GSDME: variants seen among roughly 807,000 people sequenced by gnomAD.
The protein encoded by GSDME is gasdermin E, also known as gasdermin-E.
GSDME carries 44 observed loss-of-function variants against 47.5 expected under a neutral mutation model. The ratio of observed to expected loss-of-function variants is 0.93; its 90% CI spans 0.73 to 1.19. The LOEUF is 1.19. Among genes scored for constraint, GSDME ranks in the 50% most tolerant of loss-of-function variants. The pLI, the probability that GSDME is intolerant of heterozygous loss-of-function variation, is 0.00. For synonymous variants in GSDME, 258 were observed against 252.8 expected (o/e 1.02, Z -0.20); for missense variants, 663 against 604.2 (o/e 1.10, Z -1.02).
intron 5 of GSDME, 179 bp downstream of exon 5, chr7:24,717,075 C>T: frequency 2.9e-6 from 2 of 682,870 alleles, no homozygotes; most frequent in South Asian, 3.5e-5. Flanking sequence ...CACACCCCTC[C>T]CCCAGTGCAG....
At chr7:24,709,099 T>C (rs1305219148) in intron 6 of GSDME, among the ~76,000 whole-genome samples, 1 of 152,136 alleles carries the variant, frequency 6.6e-6, no homozygotes, top group Non-Finnish European at 1.5e-5. Flanking sequence ...ACACAGAACA[T>C]CAGTAACCAA....
At chr7:24,719,317 G>T in intron 3 of GSDME, 99 bp from the exon 4 acceptor site, 1 of 1,278,876 alleles carries the variant, frequency 7.8e-7, no homozygotes, top group Non-Finnish European at 1.1e-6. Flanking sequence ...GAGTGAGCAG[G>T]TGACAGCCAG....
intron 5 of GSDME, among the ~76,000 whole-genome samples, chr7:24,713,482 G>C (rs1789434432): frequency 6.6e-6 from 1 of 152,222 alleles, no homozygotes; most frequent in Non-Finnish European, 1.5e-5. Flanking sequence ...CAGGGAAGGA[G>C]AACCAGAAAA....
chr7:24,774,306 T>A, the GSDME span, among the ~76,000 whole-genome samples: 1 of 97,768 alleles, frequency 1.0e-5, no homozygotes, highest in Non-Finnish European at 1.9e-5. Flanking sequence ...CCTCCCTTCC[T>A]CCCTCCCTTC....
At chr7:24,706,508 C>G in intron 7 of GSDME, 132 bp from the exon 8 acceptor site, 1 of 833,956 alleles carries the variant, frequency 1.2e-6, no homozygotes, top group Non-Finnish European at 1.9e-6. Flanking sequence ...CGCAGCTCTT[C>G]TCTACGTTCT....
rs939929021 is a variant in GSDME at position 24,739,876 on chromosome 7, C to T, written c.404+4686G>A. On this transcript the variant is annotated intron_variant, in intron 3 of 9. Coordinates refer to ENST00000645220, the MANE Select transcript of GSDME (RefSeq NM_001127453.2). The surrounding 1 kb of genome is among the most constrained non-coding windows in gnomAD (Gnocchi z 5.1). ...TTGGGAGGCTAAGGCAGGCGGATCA[C>T]GAGGTCAGGAGTTCAAGACCAGCCT... Among the ~76,000 whole-genome samples, 1 of 152,048 alleles carries T rather than the reference C, an allele frequency of 6.6e-6. No individual in the cohort carries two copies. The highest frequency in any genetic ancestry group is 2.4e-5 in the African/African-American group (1 of 41,406).
chr7:24,773,729 A>T, the GSDME span, among the ~76,000 whole-genome samples: 25 of 152,216 alleles, frequency 1.6e-4, no homozygotes, highest in African/African-American at 6.0e-4. This position sits in a 1 kb window ranked among gnomAD's most constrained non-coding sequence, Gnocchi z 5.4. Flanking sequence ...AAATATATCT[A>T]TGAACACATC....
chr7:24,730,957 G>T (rs1474831555), intron 3 of GSDME, among the ~76,000 whole-genome samples: 3 of 152,214 alleles, frequency 2.0e-5, no homozygotes, highest in African/African-American at 7.2e-5. Context: ...CACTGTGAAA[G>T]GAAGCAACAG....
chr7:24,718,896 A>G (rs1358253520), intron 4 of GSDME, 151 bp downstream of exon 4: 1 of 858,164 alleles, frequency 1.2e-6, no homozygotes, highest in African/African-American at 1.7e-5. Flanking sequence ...GAGCCAATAC[A>G]CTCTTGCTCA....
upstream of GSDME, chr7:24,757,507 C>A (rs1031073098): frequency 2.0e-5 from 3 of 151,662 alleles, no homozygotes; most frequent in African/African-American, 7.3e-5. The surrounding 1 kb of genome is among the most constrained non-coding windows in gnomAD (Gnocchi z 5.9). Context: ...GGAGAGAGGG[C>A]CCGCCCGCCG....
Position 24,739,452 on chromosome 7 carries a change from C to T in GSDME, c.404+5110G>A, listed in dbSNP as rs960071003. Among the ~76,000 whole-genome samples the T allele has an allele frequency of 6.6e-6, 1 of 151,990 alleles. No homozygotes were observed. Among genetic ancestry groups the T allele is most frequent in the Non-Finnish European group, 1.5e-5 (1 of 67,976 alleles). ...TATCACCTCACCCTGGTTAAAATGG[C>T]TTTTATCCAAAAGACAGGCAATAAA... On this transcript the variant is annotated intron_variant, in intron 3 of 9. Transcript: ENST00000645220. This position sits in a 1 kb window ranked among gnomAD's most constrained non-coding sequence, Gnocchi z 5.1.
chr7:24,729,385 A>G (rs1319873541), intron 3 of GSDME, among the ~76,000 whole-genome samples: 1 of 152,258 alleles, frequency 6.6e-6, no homozygotes, highest in Non-Finnish European at 1.5e-5. Flanking sequence ...CCTTTCAAGC[A>G]AACTGGGCTC....
At chr7:24,755,636 C>T (rs986034294) in intron 1 of GSDME, among the ~76,000 whole-genome samples, 4 of 152,176 alleles carry the variant, frequency 2.6e-5, no homozygotes, top group African/African-American at 4.8e-5. Flanking sequence ...GGGGATTGAA[C>T]ATCACATAGA....
intron 2 of GSDME, among the ~76,000 whole-genome samples, chr7:24,749,310 T>G (rs552464750): frequency 6.6e-6 from 1 of 152,182 alleles, no homozygotes; most frequent in South Asian, 2.1e-4. Context: ...GAGACCAGCC[T>G]GGCCAACACG....
the GSDME span, among the ~76,000 whole-genome samples, chr7:24,795,364 G>C: frequency 6.6e-6 from 1 of 152,166 alleles, no homozygotes; most frequent in Admixed American, 6.5e-5. Context: ...AGCAGGACTA[G>C]CTGCAGACAA....
intron 3 of GSDME, among the ~76,000 whole-genome samples, chr7:24,738,443 A>G (rs772170124): frequency 1.3e-5 from 2 of 152,190 alleles, no homozygotes; most frequent in Admixed American, 6.5e-5. Flanking sequence ...AATGAAAACT[A>G]TAAAACACTG....
chr7:24,748,836 T>A (rs1790763893), intron 2 of GSDME, among the ~76,000 whole-genome samples: 1 of 152,090 alleles, frequency 6.6e-6, no homozygotes, highest in South Asian at 2.1e-4. Flanking sequence ...CATCTCCTTA[T>A]CCCCTTCTCT....
chr7:24,786,611 C>A, the GSDME span, among the ~76,000 whole-genome samples: 4 of 152,172 alleles, frequency 2.6e-5, no homozygotes, highest in African/African-American at 7.2e-5. The surrounding 1 kb of genome is among the most constrained non-coding windows in gnomAD (Gnocchi z 5.5). Context: ...CTGGTCCTCA[C>A]GAGCCCTTCA....
At chr7:24,791,322 C>T in the GSDME span, among the ~76,000 whole-genome samples, 1 of 152,218 alleles carries the variant, frequency 6.6e-6, no homozygotes, top group African/African-American at 2.4e-5. The surrounding 1 kb of genome is among the most constrained non-coding windows in gnomAD (Gnocchi z 4.8). Flanking sequence ...GCAGTCCAAA[C>T]CTAGGGATGA....
Sources: allele counts gnomAD v4.1 joint callset (sites outside exome capture counted in the v4.1 genomes callset), GRCh38; gene constraint gnomAD v4.1.1; non-coding constraint Gnocchi (gnomAD v3.1); transcripts MANE v1.5; gene names NCBI Gene and HGNC (gene_info 2026-07-23, HGNC 2026-07-21).